PRDM11: variants seen among roughly 807,000 people sequenced by gnomAD.
PRDM11 encodes the protein PR/SET domain 11, also known as PR domain-containing protein 11.
PRDM11 carries 20 observed loss-of-function variants against 97.8 expected under a neutral mutation model. That is an observed-to-expected ratio of 0.20 (90% CI 0.14 to 0.30). The LOEUF (loss-of-function observed/expected upper bound fraction) is 0.30. PRDM11 is among the 10% of genes least tolerant of loss of function. The pLI is 1.00. For missense variants in PRDM11, 1,139 were observed against 1,555.2 expected (o/e 0.73, Z 4.50); for synonymous variants, 599 against 637.7 (o/e 0.94, Z 0.91).
chr11:45,145,665 G>A (rs1851490783), upstream of PRDM11, among the ~76,000 whole-genome samples: 1 of 152,202 alleles, frequency 6.6e-6, no homozygotes, highest in Admixed American at 6.5e-5. Context: ...TCCCTTGGTA[G>A]GAGAGACGTC....
chr11:45,108,633 G>A (rs769647097), intron 1 of PRDM11, among the ~76,000 whole-genome samples: 28 of 152,184 alleles, frequency 1.8e-4, no homozygotes, highest in Non-Finnish European at 3.4e-4. Flanking sequence ...TCCCGAGTGA[G>A]GACGAGCTGC....
At chr11:45,128,529 G>T (rs1366073365) in intron 1 of PRDM11, among the ~76,000 whole-genome samples, 1 of 135,360 alleles carries the variant, frequency 7.4e-6, no homozygotes, top group Non-Finnish European at 1.5e-5. Context: ...TGATATCATG[G>T]TATTAACAAC....
At chr11:45,200,986 C>CTGATGG (rs886266334) in intron 4 of PRDM11, among the ~76,000 whole-genome samples, 7 of 152,138 alleles carry the variant, frequency 4.6e-5, no homozygotes, top group East Asian at 3.9e-4. Flanking sequence ...ATGTTTACAA[C>CTGATGG]TGATGGTGAT....
At chr11:45,145,096 C>G (rs1037286077), upstream of PRDM11, among the ~76,000 whole-genome samples, 4 of 152,120 alleles carry the variant, frequency 2.6e-5, no homozygotes, top group African/African-American at 9.7e-5. Context: ...GTTACTGTCT[C>G]TTGAGCATCT....
At chr11:45,101,564 A>AGAAGAAGAAGAAG (rs1554963199) in intron 1 of PRDM11, among the ~76,000 whole-genome samples, 20 of 108,592 alleles carry the variant, frequency 1.8e-4, no homozygotes, top group African/African-American at 9.6e-4. Context: ...TCAAAAAAAA[A>AGAAGAAGAAGAAG]AAAAAGAAGA....
chr11:45,162,788 G>A (rs1448387690), intron 1 of PRDM11, among the ~76,000 whole-genome samples: 3 of 152,228 alleles, frequency 2.0e-5, no homozygotes, highest in African/African-American at 7.2e-5. Flanking sequence ...GGATCATTAA[G>A]GTGGCAGTGC....
At position 45,151,277 on chromosome 11, in the gene PRDM11, G is replaced by A. The variant is rs538408293; in HGVS notation, c.-7+4400G>A. On this transcript the variant is annotated intron_variant, in intron 1 of 7. Coordinates refer to ENST00000683152, the MANE Select transcript of PRDM11 (RefSeq NM_001384648.1). Reference sequence around the variant, plus strand: ...GCCCCATGTTCTCAGAGTGAGGCCTGGGAGGGGCTTCCCGACAGCTGACCC... The same window carrying A: ...GCCCCATGTTCTCAGAGTGAGGCCTAGGAGGGGCTTCCCGACAGCTGACCC... 9.8e-5 allele frequency among the ~76,000 whole-genome samples: 15 copies of A among 152,340 alleles called. No homozygotes were observed. In the South Asian group the frequency reaches 3.1e-3, roughly 32 times the overall value.
At chr11:45,137,073 G>A (rs536209623) in intron 1 of PRDM11, among the ~76,000 whole-genome samples, 12 of 152,182 alleles carry the variant, frequency 7.9e-5, no homozygotes, top group African/African-American at 2.9e-4. Context: ...TGAGGCAGGA[G>A]AATTTCTTGA....
chr11:45,109,625 G>A (rs58416351), intron 1 of PRDM11, among the ~76,000 whole-genome samples: 3,836 of 152,254 alleles, frequency 0.025, 169 homozygotes, highest in African/African-American at 0.088. Context: ...CAAGACTGAG[G>A]TGTGGGAGAT....
chr11:45,213,664 T>A (rs1486122061), intron 5 of PRDM11: 3 of 456,346 alleles, frequency 6.6e-6, no homozygotes, highest in Non-Finnish European at 1.3e-5. Flanking sequence ...CACTTTATGC[T>A]TTTCCTCGCC....
chr11:45,181,230 C>T (rs1852486811), intron 1 of PRDM11, among the ~76,000 whole-genome samples: 2 of 152,084 alleles, frequency 1.3e-5, no homozygotes, highest in Non-Finnish European at 2.9e-5. Flanking sequence ...CCCTGGCTGG[C>T]CCTCGCCAGC....
At position 45,182,369 on chromosome 11, in the gene PRDM11, C is replaced by T; in HGVS notation, c.223+20C>T. On this transcript the variant is annotated intron_variant, in intron 3 of 7. Transcript: ENST00000683152. ...TCTGGTGTAAGTGGAGCTTGGGGCT[C>T]TGGGCTGCTCCTCCCTTCACCCCCA... 1 of 1,601,524 alleles carries T rather than the reference C, an allele frequency of 6.2e-7. No homozygotes were observed. Among genetic ancestry groups the T allele is most frequent in the South Asian group, 1.1e-5 (1 of 90,520 alleles).
intron 1 of PRDM11, among the ~76,000 whole-genome samples, chr11:45,171,424 C>T (rs927513044): frequency 2.0e-5 from 3 of 152,064 alleles, no homozygotes; most frequent in African/African-American, 4.8e-5. Context: ...TTTAAAGTTC[C>T]CCAGTGCCAA....
chr11:45,119,354 G>A (rs1359462248), intron 1 of PRDM11, among the ~76,000 whole-genome samples: 1 of 152,118 alleles, frequency 6.6e-6, no homozygotes, highest in South Asian at 2.1e-4. Context: ...GCGGCCGGGC[G>A]CGGTGGCTCA....
At chr11:45,184,496 A>G (rs1852631914) in intron 4 of PRDM11, among the ~76,000 whole-genome samples, 1 of 152,272 alleles carries the variant, frequency 6.6e-6, no homozygotes, top group South Asian at 2.1e-4. Flanking sequence ...GGTTGGGGCA[A>G]AGACTTGGAG....
chr11:45,100,371 ATGTCATAGG>A (rs1851952277), intron 1 of PRDM11, among the ~76,000 whole-genome samples: 1 of 152,332 alleles, frequency 6.6e-6, no homozygotes, highest in Admixed American at 6.5e-5. Flanking sequence ...GGGCCACCCC[ATGTCATAGG>A]TGAAGAAACT....
chr11:45,156,053 A>ATTTG (rs1851786593), intron 1 of PRDM11, among the ~76,000 whole-genome samples: 4 of 152,196 alleles, frequency 2.6e-5, no homozygotes, highest in African/African-American at 9.7e-5. Context: ...GTCTGATTCC[A>ATTTG]GAGTCTGAGC....
At chr11:45,166,784 T>A (rs1852075863) in intron 1 of PRDM11, among the ~76,000 whole-genome samples, 1 of 152,234 alleles carries the variant, frequency 6.6e-6, no homozygotes, top group South Asian at 2.1e-4. Context: ...ACTTCCGCCT[T>A]CTGAGCTGCA....
At chr11:45,186,821 T>C (rs1306034436) in intron 4 of PRDM11, among the ~76,000 whole-genome samples, 1 of 152,236 alleles carries the variant, frequency 6.6e-6, no homozygotes, top group Non-Finnish European at 1.5e-5. Context: ...CCTCTTGTTC[T>C]GACGAGGAAA....
Sources: gnomAD v4.1 joint callset for allele counts (sites outside exome capture counted in the v4.1 genomes callset) on GRCh38, gnomAD v4.1.1 for gene constraint, MANE v1.5 for transcripts, NCBI Gene and HGNC (gene_info 2026-07-23, HGNC 2026-07-21) for gene names.